ARHGAP19: variants seen among roughly 807,000 people sequenced by gnomAD.
The protein encoded by ARHGAP19 is rho GTPase-activating protein 19.
A neutral mutation model predicts 60.9 loss-of-function variants in ARHGAP19; 48 were observed. That is an observed-to-expected ratio of 0.79 (90% CI 0.62 to 1.00). The LOEUF is 1.00. Among genes scored for constraint, ARHGAP19 ranks in the 50% least tolerant of loss-of-function variants. ARHGAP19 has a pLI of 0.00. For synonymous variants in ARHGAP19, 209 were observed against 215.5 expected, an observed-to-expected ratio of 0.97 and a Z score of 0.27; for missense variants, 562 against 597.2, an observed-to-expected ratio of 0.94 and a Z score of 0.61.
chr10:97,239,188 C>T (rs775167941), intron 8 of ARHGAP19, among the ~76,000 whole-genome samples: 1 of 152,114 alleles, frequency 6.6e-6, no homozygotes, highest in East Asian at 1.9e-4. Context: ...TCAAGTGATA[C>T]GTGACTATAA....
intron 1 of ARHGAP19, among the ~76,000 whole-genome samples, chr10:97,292,213 T>C (rs1398305553): frequency 2.0e-5 from 3 of 152,174 alleles, no homozygotes; most frequent in African/African-American, 7.2e-5. Flanking sequence ...GGAGAAGATG[T>C]GAAGCGCTGT....
chr10:97,274,443 C>A (rs1842999025), intron 1 of ARHGAP19, among the ~76,000 whole-genome samples: 1 of 149,846 alleles, frequency 6.7e-6, no homozygotes, highest in Non-Finnish European at 1.5e-5. Flanking sequence ...CTAGCCTGGG[C>A]AACAGAGCAA....
At chr10:97,252,348 C>A (rs1393762988) in intron 6 of ARHGAP19, among the ~76,000 whole-genome samples, 1 of 147,732 alleles carries the variant, frequency 6.8e-6, no homozygotes, top group Admixed American at 6.8e-5. Context: ...ATAGCCCGGG[C>A]GCGGTGGCTC....
intron 4 of ARHGAP19, 46 bp downstream of exon 4, chr10:97,263,365 CTTTACTAAA>C: frequency 6.4e-7 from 1 of 1,551,286 alleles, no homozygotes; most frequent in Non-Finnish European, 8.9e-7. Flanking sequence ...TTCCTAGGAA[CTTTACTAAA>C]TTGAAAGAAA....
intron 9 of ARHGAP19, among the ~76,000 whole-genome samples, chr10:97,232,429 C>G (rs1436728919): frequency 6.6e-6 from 1 of 152,136 alleles, no homozygotes; most frequent in Non-Finnish European, 1.5e-5. Context: ...TCCCAAAGTA[C>G]TGGGATTACA....
chr10:97,260,915 G>A (rs1205440980), intron 4 of ARHGAP19, among the ~76,000 whole-genome samples: 1 of 134,116 alleles, frequency 7.5e-6, no homozygotes, highest in Non-Finnish European at 1.6e-5. Flanking sequence ...GCAACATGGT[G>A]AAACCCCATC....
chr10:97,249,481 C>T (rs1842610548), intron 6 of ARHGAP19, among the ~76,000 whole-genome samples: 1 of 152,138 alleles, frequency 6.6e-6, no homozygotes, highest in Non-Finnish European at 1.5e-5. Flanking sequence ...CTGGCTTCTA[C>T]TTTACAGGAA....
At chr10:97,250,023 A>G (rs1842620528) in intron 6 of ARHGAP19, among the ~76,000 whole-genome samples, 1 of 151,956 alleles carries the variant, frequency 6.6e-6, no homozygotes, top group African/African-American at 2.4e-5. Flanking sequence ...TGACCTCATG[A>G]TCCGCCCGCC....
At chr10:97,241,543 A>G (rs1430610388) in intron 8 of ARHGAP19, among the ~76,000 whole-genome samples, 3 of 151,716 alleles carry the variant, frequency 2.0e-5, no homozygotes, top group Non-Finnish European at 4.4e-5. Flanking sequence ...GTGAAACTCC[A>G]TCTTTACTAA....
At chr10:97,247,622 C>T (rs1203668338) in intron 6 of ARHGAP19, among the ~76,000 whole-genome samples, 1 of 149,634 alleles carries the variant, frequency 6.7e-6, no homozygotes, top group East Asian at 2.0e-4. Context: ...CCATACAATA[C>T]AGTACTATGA....
chr10:97,259,450 G>A lies in ARHGAP19; in HGVS notation c.792C>T (p.Ala264=). The change falls in exon 5 of 12, where the codon GCC becomes GCT. Residue 264 remains alanine, a synonymous_variant. Transcript: ENST00000358531. ...GTGCAAACATAAGGGCAAGGTTATA[G>A]GCTGACATCTTGTTCTTGTCTTGTT... ...AKKQDKNKMS[A]YNLALMFAPH... 6.2e-7 allele frequency: 1 copy of A among 1,614,170 alleles called. No individual in the cohort carries two copies. The highest frequency in any genetic ancestry group is 2.2e-5 in the East Asian group (1 of 44,872).
intron 1 of ARHGAP19, among the ~76,000 whole-genome samples, chr10:97,287,976 CT>C (rs1259294517): frequency 5.3e-5 from 8 of 152,088 alleles, no homozygotes; most frequent in African/African-American, 9.7e-5. Flanking sequence ...GCAGGAGAAT[CT>C]TTTGAACCCA....
chr10:97,272,131 C>CTTTGTTT (rs1842966124), intron 1 of ARHGAP19, among the ~76,000 whole-genome samples: 1 of 85,634 alleles, frequency 1.2e-5, no homozygotes, highest in Non-Finnish European at 2.0e-5. Flanking sequence ...GGAAATATGT[C>CTTTGTTT]TTTTTTTTTT....
Position 97,222,530 on chromosome 10 carries a change from C to G in ARHGAP19, c.*3592G>C, listed in dbSNP as rs1850822476. ...CTCAGGCTATTATGTCCCACACCTC[C>G]TCGCTGGCCTGCTTCTGTCAACTCT... On this transcript the variant is annotated 3_prime_UTR_variant, in exon 12 of 12. Transcript: ENST00000358531. 1 of 152,398 alleles carries G rather than the reference C, an allele frequency of 6.6e-6. No homozygotes were observed. The highest frequency in any genetic ancestry group is 2.4e-5 in the African/African-American group (1 of 41,460). The allele number at this position is 152,398 out of a possible 1,614,324, so 9.4% of individuals were successfully genotyped here.
At position 97,259,490 on chromosome 10, in the gene ARHGAP19, T is replaced by C; in HGVS notation, c.752A>G (p.Tyr251Cys). 1 of 1,614,156 alleles carries C rather than the reference T, an allele frequency of 6.2e-7. No homozygotes were observed. Among genetic ancestry groups the C allele is most frequent in the Non-Finnish European group, 8.5e-7 (1 of 1,180,020 alleles). ...NLLKLLLDLL[Y>C]QTAKKQDKNK... ...CTTGTCTTGTTTCTTTGCTGTCTGG[T>C]ATAGGAGATCAAGCAATAACTTCAG... Residue 251 changes from tyrosine to cysteine, a missense_variant, in exon 5 of 12, where the codon TAC becomes TGC. Coordinates refer to ENST00000358531, the MANE Select transcript of ARHGAP19 (RefSeq NM_032900.6).
chr10:97,241,770 G>A (rs1842486477), intron 8 of ARHGAP19, among the ~76,000 whole-genome samples: 1 of 151,848 alleles, frequency 6.6e-6, no homozygotes, highest in Admixed American at 6.6e-5. Flanking sequence ...AGCACTTTGG[G>A]AGGCCGAGGT....
intron 9 of ARHGAP19, among the ~76,000 whole-genome samples, chr10:97,230,565 A>G (rs1850988809): frequency 6.6e-6 from 1 of 152,172 alleles, no homozygotes; most frequent in Non-Finnish European, 1.5e-5. Flanking sequence ...TCCCTTAGAG[A>G]ATAAATTTGA....
At chr10:97,265,585 G>T in intron 2 of ARHGAP19, 1 of 414,482 alleles carries the variant, frequency 2.4e-6, no homozygotes, top group Non-Finnish European at 4.3e-6. Context: ...CATATTAATA[G>T]GGCATGAAAA....
At chr10:97,290,886 G>C (rs776560823) in intron 1 of ARHGAP19, among the ~76,000 whole-genome samples, 24 of 152,060 alleles carry the variant, frequency 1.6e-4, no homozygotes, top group Non-Finnish European at 3.1e-4. Flanking sequence ...AGTTAGGGCG[G>C]TCATCGGCCA....
Sources: gnomAD v4.1 joint callset for allele counts (sites outside exome capture counted in the v4.1 genomes callset) on GRCh38, gnomAD v4.1.1 for gene constraint, MANE v1.5 for transcripts, NCBI Gene and HGNC (gene_info 2026-07-23, HGNC 2026-07-21) for gene names.